PNPT1: variants seen among roughly 807,000 people sequenced by gnomAD.
PNPT1 encodes polyribonucleotide nucleotidyltransferase 1, mitochondrial.
In PNPT1, 53 loss-of-function variants were observed where a neutral mutation model predicts 119.5. That is an observed-to-expected ratio of 0.44 (90% CI 0.36 to 0.56). The LOEUF (loss-of-function observed/expected upper bound fraction) is 0.56. PNPT1 is among the 20% of genes least tolerant of loss of function. The pLI, the probability that PNPT1 is intolerant of heterozygous loss-of-function variation, is 0.00. For synonymous variants in PNPT1, 357 were observed against 322.1 expected, an observed-to-expected ratio of 1.11 and a Z score of -1.16; for missense variants, 948 against 938.5, an observed-to-expected ratio of 1.01 and a Z score of -0.13.
At chr2:55,662,154 GCTA>G in intron 13 of PNPT1, 128 bp from the exon 14 acceptor site, 1 of 671,200 alleles carries the variant, frequency 1.5e-6, no homozygotes, top group Non-Finnish European at 2.3e-6. Flanking sequence ...AGCTTGCCAT[GCTA>G]CTAACTGCAT....
intron 25 of PNPT1, among the ~76,000 whole-genome samples, chr2:55,641,836 C>G (rs4671251): frequency 0.13 from 19,254 of 150,184 alleles, 1,276 homozygotes; most frequent in African/African-American, 0.15. Context: ...TGCTTTGAGA[C>G]TGAAATTGGC....
At chr2:55,681,987 C>CA (rs1697263216) in intron 5 of PNPT1, among the ~76,000 whole-genome samples, 1 of 151,612 alleles carries the variant, frequency 6.6e-6, no homozygotes, top group African/African-American at 2.4e-5. Flanking sequence ...TAAAAAAATA[C>CA]AAAAAATTAG....
intron 18 of PNPT1, among the ~76,000 whole-genome samples, chr2:55,650,267 CG>C (rs1229716733): frequency 2.6e-5 from 4 of 152,190 alleles, no homozygotes; most frequent in African/African-American, 9.6e-5. Context: ...CTCAGCCTGC[CG>C]ACTGCCTGCG....
At chr2:55,678,077 G>A (rs1258931209) in intron 8 of PNPT1, among the ~76,000 whole-genome samples, 1 of 152,128 alleles carries the variant, frequency 6.6e-6, no homozygotes, top group Non-Finnish European at 1.5e-5. Flanking sequence ...GGTATTAACT[G>A]TATGCTTATT....
chr2:55,667,269 A>G (rs907276748), intron 12 of PNPT1, among the ~76,000 whole-genome samples, 176 bp from the exon 13 acceptor site: 2 of 152,158 alleles, frequency 1.3e-5, no homozygotes, highest in Non-Finnish European at 2.9e-5. Context: ...AGAATGTCTG[A>G]AGTTGAACCT....
rs1313015962 is a variant in PNPT1, at chr2:55,636,112, C to G, written c.*125G>C. 52 of 595,950 alleles carry G rather than the reference C, an allele frequency of 8.7e-5. No homozygotes were observed. The highest frequency in any genetic ancestry group is 1.2e-4 in the Non-Finnish European group (49 of 403,572). 36.9% of individuals were successfully genotyped at this position (595,950 alleles called of 1,614,324 possible). On this transcript the variant is annotated 3_prime_UTR_variant, in exon 28 of 28. Transcript: ENST00000447944. ...GCACATGTAAATGAGCATTTTAGTA[C>G]AAATAATTAAAATGTATTTATATTA...
intron 15 of PNPT1, among the ~76,000 whole-genome samples, chr2:55,657,538 C>A (rs546270562): frequency 6.6e-6 from 1 of 151,674 alleles, no homozygotes; most frequent in East Asian, 2.0e-4. Flanking sequence ...CAGGCATGCA[C>A]CACCATGCCC....
chr2:55,640,930 A>C (rs535995764), intron 25 of PNPT1, among the ~76,000 whole-genome samples: 1 of 152,294 alleles, frequency 6.6e-6, no homozygotes, highest in South Asian at 2.1e-4. Context: ...AACATGCAAT[A>C]GAAAAGCTTT....
chr2:55,691,878 A>ATATATATATTTTTTT (rs1326804958), intron 1 of PNPT1, among the ~76,000 whole-genome samples: 7 of 33,098 alleles, frequency 2.1e-4, no homozygotes, highest in Non-Finnish European at 3.5e-4. Flanking sequence ...ATATATATAT[A>ATATATATATTTTTTT]TTTTTTTTTT....
intron 11 of PNPT1, among the ~76,000 whole-genome samples, chr2:55,670,795 G>A: frequency 6.6e-6 from 1 of 152,062 alleles, no homozygotes; most frequent in Non-Finnish European, 1.5e-5. Context: ...GAAAAGATCA[G>A]GAACATTCAC....
Position 55,646,417 on chromosome 2 carries a change from G to A in PNPT1, c.1672C>T (p.Gln558Ter). 1.2e-6 allele frequency: 2 copies of A among 1,612,164 alleles called. No homozygotes were observed. The highest frequency in any genetic ancestry group is 1.7e-6 in the Non-Finnish European group (2 of 1,178,950). Residue 558 changes from glutamine to a stop codon, truncating the protein, a stop_gained and splice_region_variant, in exon 20 of 28, where the codon CAG becomes TAG. Transcript: ENST00000447944. LOFTEE classifies it high-confidence loss of function. ...AGTNKGITAL[Q>*]ADIKLPGIPI... The stretch of plus-strand genomic sequence containing the variant: ...AACAAAATGGGTTTTAAAAATACCT[G>A]TAATGCAGTTATTCCTTTATTAGTG...
intron 1 of PNPT1, 102 bp downstream of exon 1, chr2:55,693,561 A>C: frequency 2.0e-6 from 3 of 1,503,218 alleles, no homozygotes; most frequent in Non-Finnish European, 2.7e-6. Flanking sequence ...GAGAGATTAA[A>C]TAGAGCTGGG....
chr2:55,676,456 C>G (rs993912875), intron 8 of PNPT1, among the ~76,000 whole-genome samples: 2 of 152,030 alleles, frequency 1.3e-5, no homozygotes, highest in Non-Finnish European at 2.9e-5. Context: ...ATTAAATATA[C>G]CAGTTGAAAA....
At chr2:55,685,434 GGGA>G (rs934494303) in intron 3 of PNPT1, among the ~76,000 whole-genome samples, 2 of 152,126 alleles carry the variant, frequency 1.3e-5, no homozygotes, top group African/African-American at 4.8e-5. Context: ...AGGCTGAGGT[GGGA>G]GGATTGCTTA....
chr2:55,669,289 T>C (rs540166282), intron 11 of PNPT1, among the ~76,000 whole-genome samples: 3 of 152,346 alleles, frequency 2.0e-5, no homozygotes, highest in South Asian at 4.1e-4. Flanking sequence ...CAAAGGCTTA[T>C]GGTTTTATTT....
At chr2:55,670,244 T>TG (rs1696867615) in intron 11 of PNPT1, among the ~76,000 whole-genome samples, 1 of 152,108 alleles carries the variant, frequency 6.6e-6, no homozygotes, top group Non-Finnish European at 1.5e-5. Context: ...TGGAGTGCAG[T>TG]GGCGCGATCT....
At chr2:55,691,862 ATATATATATATATATATTTTTTT>A (rs1697612941) in intron 1 of PNPT1, among the ~76,000 whole-genome samples, 1 of 41,286 alleles carries the variant, frequency 2.4e-5, no homozygotes, top group African/African-American at 7.9e-5. Flanking sequence ...ATATATATAT[ATATATATATATATATATTTTTTT>A]TTTTTTTTTT....
intron 27 of PNPT1, among the ~76,000 whole-genome samples, chr2:55,636,959 G>A (rs1695693605): frequency 6.6e-6 from 1 of 152,084 alleles, no homozygotes; most frequent in African/African-American, 2.4e-5. Context: ...TTCCCCTGGA[G>A]GCTACTTGGA....
chr2:55,663,271 C>T (rs1696637528), intron 13 of PNPT1, among the ~76,000 whole-genome samples: 1 of 152,150 alleles, frequency 6.6e-6, no homozygotes, highest in Admixed American at 6.5e-5. Flanking sequence ...ACTTTAATAT[C>T]TCATAATGGA....
Sources: allele counts gnomAD v4.1 joint callset (sites outside exome capture counted in the v4.1 genomes callset), GRCh38; gene constraint gnomAD v4.1.1; transcripts MANE v1.5; gene names NCBI Gene and HGNC (gene_info 2026-07-23, HGNC 2026-07-21).